KCNIP4: variants seen among roughly 807,000 people sequenced by gnomAD.
The protein encoded by KCNIP4 is Kv channel-interacting protein 4.
KCNIP4 carries 12 observed loss-of-function variants against 34.0 expected under a neutral mutation model. The observed-to-expected ratio is 0.35, with a 90% CI of 0.23 to 0.57. The LOEUF (loss-of-function observed/expected upper bound fraction) is 0.57, where lower values mean the gene tolerates loss of function less well. KCNIP4 is among the 20% of genes least tolerant of loss of function. The pLI, the probability that KCNIP4 is intolerant of heterozygous loss-of-function variation, is 0.83. For missense variants in KCNIP4, 238 were observed against 311.7 expected, an observed-to-expected ratio of 0.76 and a Z score of 1.78; for synonymous variants, 124 against 102.2, an observed-to-expected ratio of 1.21 and a Z score of -1.29.
intron 1 of KCNIP4, among the ~76,000 whole-genome samples, chr4:20,927,982 T>G (rs1348142524): frequency 6.6e-6 from 1 of 152,044 alleles, no homozygotes; most frequent in East Asian, 1.9e-4. Flanking sequence ...GACTAATTTA[T>G]TCAATTCGAG....
chr4:21,883,949 T>A (rs1218884673), intron 1 of KCNIP4, among the ~76,000 whole-genome samples: 5 of 152,108 alleles, frequency 3.3e-5, no homozygotes, highest in Admixed American at 3.3e-4. Context: ...ATTTCTGTTG[T>A]TAGAAATATT....
At chr4:21,674,904 T>C (rs935332964) in intron 1 of KCNIP4, among the ~76,000 whole-genome samples, 1 of 152,154 alleles carries the variant, frequency 6.6e-6, no homozygotes, top group Non-Finnish European at 1.5e-5. Context: ...TTAAATCAAA[T>C]ATCTAATTCT....
intron 1 of KCNIP4, among the ~76,000 whole-genome samples, chr4:21,734,314 C>T (rs563410666): frequency 6.6e-6 from 1 of 151,992 alleles, no homozygotes; most frequent in Non-Finnish European, 1.5e-5. Context: ...GGAAGACAAA[C>T]GTGACTCAGT....
intron 3 of KCNIP4, among the ~76,000 whole-genome samples, chr4:20,823,600 G>C (rs893811455): frequency 1.3e-5 from 2 of 152,086 alleles, no homozygotes; most frequent in Admixed American, 6.6e-5. Context: ...CACCACATGA[G>C]GCTACAAGGA....
chr4:20,774,421 G>A (rs1160930503), intron 3 of KCNIP4, among the ~76,000 whole-genome samples: 3 of 152,098 alleles, frequency 2.0e-5, no homozygotes, highest in African/African-American at 7.2e-5. Flanking sequence ...CTTTGAATAA[G>A]TTACTAAACT....
In KCNIP4 at chr4:21,130,268, G is replaced by A. The variant is rs542391102; in HGVS notation, c.62-247559C>T. ...CAGAGAGTCTTAATCAGTTGCTTGA[G>A]GTATCATTTCTAAAGATTTCCTAAA... On this transcript the variant is annotated intron_variant, in intron 1 of 8. Coordinates refer to ENST00000382152, the MANE Select transcript of KCNIP4 (RefSeq NM_025221.6). 2.8e-4 allele frequency among the ~76,000 whole-genome samples: 42 copies of A among 152,166 alleles called. No individual in the cohort carries two copies. The South Asian group carries it at 8.7e-3, about 32-fold the overall frequency.
At chr4:21,691,207 G>C (rs1012283148) in intron 1 of KCNIP4, among the ~76,000 whole-genome samples, 1 of 152,120 alleles carries the variant, frequency 6.6e-6, no homozygotes, top group South Asian at 2.1e-4. Flanking sequence ...CCTAGGATGG[G>C]GTCAGACAAT....
intron 1 of KCNIP4, among the ~76,000 whole-genome samples, chr4:21,874,940 C>T (rs1185406635): frequency 6.6e-6 from 1 of 152,088 alleles, no homozygotes; most frequent in Non-Finnish European, 1.5e-5. Context: ...TGATGTGGTT[C>T]TCGAACTCTT....
At chr4:20,830,346 AAAG>A (rs1417811368) in intron 3 of KCNIP4, among the ~76,000 whole-genome samples, 1 of 152,204 alleles carries the variant, frequency 6.6e-6, no homozygotes, top group Non-Finnish European at 1.5e-5. Context: ...TTGCTACATC[AAAG>A]AACTATGAAT....
intron 1 of KCNIP4, among the ~76,000 whole-genome samples, chr4:21,324,320 C>T (rs915831330): frequency 1.3e-5 from 2 of 151,952 alleles, no homozygotes; most frequent in Admixed American, 6.6e-5. Flanking sequence ...GAAATCTTTG[C>T]CTATTCTAAT....
chr4:21,763,188 C>A (rs1474615075), intron 1 of KCNIP4, among the ~76,000 whole-genome samples: 5 of 152,122 alleles, frequency 3.3e-5, no homozygotes, highest in Non-Finnish European at 7.4e-5. Context: ...CCCAGATTAT[C>A]ATTTTAAATA....
chr4:21,478,542 T>C (rs1731174243), intron 1 of KCNIP4, among the ~76,000 whole-genome samples: 2 of 152,158 alleles, frequency 1.3e-5, no homozygotes, highest in African/African-American at 4.8e-5. Flanking sequence ...GAAAACGTTT[T>C]GGCGCTCCCC....
chr4:21,507,963 A>T (rs1733984972), intron 1 of KCNIP4, among the ~76,000 whole-genome samples: 1 of 152,144 alleles, frequency 6.6e-6, no homozygotes, highest in Non-Finnish European at 1.5e-5. Flanking sequence ...GTTGCATCTG[A>T]TGGAATCTCT....
At chr4:21,771,229 T>C (rs1481733559) in intron 1 of KCNIP4, among the ~76,000 whole-genome samples, 2 of 152,160 alleles carry the variant, frequency 1.3e-5, no homozygotes, top group African/African-American at 4.8e-5. Context: ...TTTGTCACGT[T>C]TGTTGAAGAT....
intron 1 of KCNIP4, among the ~76,000 whole-genome samples, chr4:20,896,969 C>T (rs1271592417): frequency 6.6e-6 from 1 of 151,714 alleles, no homozygotes; most frequent in Non-Finnish European, 1.5e-5. Flanking sequence ...GCTCACTCAT[C>T]CCAGGCAAAT....
At chr4:20,766,080 A>G (rs566601824) in intron 3 of KCNIP4, among the ~76,000 whole-genome samples, 1 of 152,334 alleles carries the variant, frequency 6.6e-6, no homozygotes, top group South Asian at 2.1e-4. Flanking sequence ...AAGCTAATAC[A>G]CATGAGCACT....
chr4:21,338,529 C>T (rs1227654076), intron 1 of KCNIP4, among the ~76,000 whole-genome samples: 1 of 151,494 alleles, frequency 6.6e-6, no homozygotes, highest in Non-Finnish European at 1.5e-5. Flanking sequence ...ATGGCTTGAA[C>T]TTGGGAACCA....
chr4:21,609,785 C>T (rs933064426), intron 1 of KCNIP4, among the ~76,000 whole-genome samples: 1 of 152,178 alleles, frequency 6.6e-6, no homozygotes, highest in Non-Finnish European at 1.5e-5. Flanking sequence ...GAACATGTAG[C>T]GAGCACCCTA....
intron 1 of KCNIP4, among the ~76,000 whole-genome samples, chr4:21,366,162 C>T (rs1213563121): frequency 6.6e-6 from 1 of 152,182 alleles, no homozygotes; most frequent in African/African-American, 2.4e-5. Flanking sequence ...ATAAATAAGG[C>T]TTGAACGCTA....
Sources: allele counts gnomAD v4.1 joint callset (sites outside exome capture counted in the v4.1 genomes callset), GRCh38; gene constraint gnomAD v4.1.1; transcripts MANE v1.5; gene names NCBI Gene and HGNC (gene_info 2026-07-23, HGNC 2026-07-21).